The following DBF4B variants were observed in gnomAD, a reference collection of about 807,000 sequenced individuals.
The protein encoded by DBF4B is DBF4B-CDC7 kinase regulatory subunit.
A neutral mutation model predicts 53.4 loss-of-function variants in DBF4B; 49 were observed. The observed-to-expected ratio is 0.92, with a 90% CI of 0.73 to 1.16. The LOEUF (loss-of-function observed/expected upper bound fraction) is 1.16. Ranked by LOEUF, DBF4B falls within the 50% of genes most tolerant of loss-of-function variation. DBF4B has a pLI of 0.00. For synonymous variants in DBF4B, 257 were observed against 288.7 expected (o/e 0.89, Z 1.11); for missense variants, 692 against 775.0 (o/e 0.89, Z 1.27).
intron 2 of DBF4B, chr17:44,718,747 A>C (rs556915738): frequency 6.6e-6 from 1 of 152,104 alleles, no homozygotes; most frequent in South Asian, 2.1e-4. Flanking sequence ...TTCTGTAATT[A>C]ATAACTATCT....
At chr17:44,731,191 C>A in intron 5 of DBF4B, 176 bp downstream of exon 5, 1 of 688,968 alleles carries the variant, frequency 1.5e-6, no homozygotes, top group Non-Finnish European at 2.5e-6. Context: ...GTTATTTAGC[C>A]ATTCACCTAG....
intron 13 of DBF4B, chr17:44,748,790 A>G: frequency 7.6e-7 from 1 of 1,307,746 alleles, no homozygotes; most frequent in Non-Finnish European, 1.0e-6. Flanking sequence ...ATAGCCCCCA[A>G]CCCCTGCGGC....
chr17:44,738,729 G>C (rs867443291), intron 9 of DBF4B, among the ~76,000 whole-genome samples: 3 of 152,100 alleles, frequency 2.0e-5, no homozygotes, highest in Non-Finnish European at 4.4e-5. Flanking sequence ...TCCCATGCAG[G>C]CTCATTATTG....
intron 5 of DBF4B, 68 bp from the exon 6 acceptor site, chr17:44,732,110 A>C: frequency 6.5e-7 from 1 of 1,533,884 alleles, no homozygotes. Context: ...AGCAATTTCT[A>C]TCTGTCCCCT....
Position 44,747,394 on chromosome 17 carries a change from C to A in DBF4B, c.943C>A (p.Leu315Ile). ...TGCTCCTCTCCCCCGCCGGCAGCAT[C>A]TTCAGAGTGCCCAGCACCGGAGCTT... ...QEAFEELHVH[L>I]QSAQHRSFAL... Residue 315 changes from leucine (L) to isoleucine (I), a missense_variant, in exon 12 of 14, where the codon CTT (leucine) becomes ATT (isoleucine). By Grantham distance (5) the Leu-to-Ile change is conservative (BLOSUM62 2). Around this residue, in one of 3 missense-constraint regions of DBF4B, gnomAD observed 597 missense variants for 665.8 expected, o/e 0.90. Coordinates refer to ENST00000315005, the MANE Select transcript of DBF4B (RefSeq NM_145663.3). The A allele has an allele frequency of 1.9e-6, 3 of 1,613,814 alleles. No individual in the cohort carries two copies. The highest frequency in any genetic ancestry group is 2.5e-6 in the Non-Finnish European group (3 of 1,179,876).
intron 7 of DBF4B, among the ~76,000 whole-genome samples, chr17:44,734,668 A>G (rs1023998633): frequency 6.6e-6 from 1 of 152,254 alleles, no homozygotes; most frequent in Non-Finnish European, 1.5e-5. Flanking sequence ...TTAAAGCCAC[A>G]GTATCTTCAC....
intron 2 of DBF4B, 119 bp from the exon 3 acceptor site, chr17:44,722,761 T>C: frequency 8.8e-7 from 1 of 1,137,044 alleles, no homozygotes; most frequent in Non-Finnish European, 1.3e-6. Flanking sequence ...GCTGTCTGTG[T>C]GTGCCCAGGG....
At chr17:44,741,735 C>T (rs538350443) in intron 10 of DBF4B, among the ~76,000 whole-genome samples, 15 of 152,180 alleles carry the variant, frequency 9.9e-5, no homozygotes, top group African/African-American at 1.9e-4. Flanking sequence ...TTTGTTAATT[C>T]ACTGCTGAGA....
chr17:44,735,514 T>C (rs969415158), intron 7 of DBF4B, among the ~76,000 whole-genome samples: 2 of 151,600 alleles, frequency 1.3e-5, no homozygotes, highest in South Asian at 2.1e-4. Context: ...TCTACTAAAA[T>C]ACAAAATTAG....
At position 44,708,697 on chromosome 17, in the gene DBF4B, T is replaced by A. The variant is rs78131713; in HGVS notation, c.-124T>A. Reference sequence around the variant, plus strand: ...AGCCGCGGCCGAAAACGCCAAGAGATTGATGCTGTAGCTGCCCTGAGATAA... The same window carrying A: ...AGCCGCGGCCGAAAACGCCAAGAGAATGATGCTGTAGCTGCCCTGAGATAA... On this transcript the variant is annotated 5_prime_UTR_variant, in exon 1 of 14. In the 5' UTR this introduces an upstream ATG that the reference lacks. Transcript: ENST00000315005. The A allele has an allele frequency of 2.5e-6, 3 of 1,200,738 alleles. No homozygotes were observed. The highest frequency in any genetic ancestry group is 5.7e-5 in the East Asian group (2 of 35,370). The allele number at this position is 1,200,738 out of a possible 1,614,324, so 74.4% of individuals were successfully genotyped here. A position where few individuals can be genotyped will look rare whatever the true frequency, so the allele number is the denominator to read the frequency against.
chr17:44,709,220 T>C (rs1972639694), intron 1 of DBF4B, 84 bp from the exon 2 acceptor site: 1 of 1,561,804 alleles, frequency 6.4e-7, no homozygotes, highest in African/African-American at 1.4e-5. Flanking sequence ...TCTGTGCGCG[T>C]TTTGGGAGAC....
intron 9 of DBF4B, among the ~76,000 whole-genome samples, chr17:44,739,095 T>C (rs1036210439): frequency 3.9e-5 from 6 of 152,154 alleles, no homozygotes; most frequent in African/African-American, 1.4e-4. Flanking sequence ...CCCTGTCTTG[T>C]GTCTTCTCTG....
At chr17:44,726,051 G>A (rs1974297593) in intron 3 of DBF4B, among the ~76,000 whole-genome samples, 1 of 150,386 alleles carries the variant, frequency 6.6e-6, no homozygotes, top group Non-Finnish European at 1.5e-5. Flanking sequence ...GTGCAATGGT[G>A]CGATCTCAGC....
chr17:44,725,684 C>CTTTTTTTTTTTTTTTTT lies in DBF4B; in HGVS notation c.225+2666_225+2682dup, dbSNP rs68091397. 1.3e-3 allele frequency among the ~76,000 whole-genome samples: 113 copies of CTTTTTTTTTTTTTTTTT among 87,624 alleles called. 8 individuals are homozygous for CTTTTTTTTTTTTTTTTT. The highest frequency in any genetic ancestry group is 7.5e-3 in the Middle Eastern group (1 of 134). 57.5% of individuals were successfully genotyped at this position (87,624 alleles called of 152,430 possible). A position where few individuals can be genotyped will look rare whatever the true frequency, so the allele number is the denominator to read the frequency against. On this transcript the variant is annotated intron_variant, in intron 3 of 13. Coordinates refer to ENST00000315005, the MANE Select transcript of DBF4B (RefSeq NM_145663.3). ...ATCCTGCCTTTGTTTTTTTGTGCTT[C>CTTTTTTTTTTTTTTTTT]TTTTTTTTTTTTTTTTTTTTAAGAG...
chr17:44,748,517 G>C lies in DBF4B; in HGVS notation c.1189+52G>C, dbSNP rs187350780. ...GACAGCACGCAGGCACCAGCTGAAC[G>C]TGCAGGGACTGGTGAGGTACCTGGA... On this transcript the variant is annotated intron_variant, in intron 13 of 13. Transcript: ENST00000315005. The C allele has an allele frequency of 3.7e-6, 6 of 1,611,004 alleles. No homozygotes were observed. In the South Asian group the frequency reaches 6.6e-5, roughly 18 times the overall value.
In DBF4B at chr17:44,750,918, T is replaced by A. The variant is rs777691077; in HGVS notation, c.1513T>A (p.Ser505Thr). 1 of 1,614,224 alleles carries A rather than the reference T, an allele frequency of 6.2e-7. No individual in the cohort carries two copies. Among genetic ancestry groups the A allele is most frequent in the South Asian group, 1.1e-5 (1 of 91,088 alleles). The change falls in exon 14 of 14, where the codon TCT (serine) becomes ACT (threonine). Residue 505 changes from serine (S) to threonine (T), a missense_variant. By Grantham distance (58) the Ser-to-Thr change is moderately conservative (BLOSUM62 1). Transcript: ENST00000315005. ...LFPEARPWLMSARCWVRPFPF... is the reference protein window; with the variant it reads ...LFPEARPWLMTARCWVRPFPF... ...CCCTGAAGCCAGACCGTGGCTTATG[T>A]CTGCACGCTGCTGGGTTCGTCCCTT...
In DBF4B at chr17:44,751,859, C is replaced by A; in HGVS notation, c.*606C>A. Reference sequence around the variant, plus strand: ...CTCCTTGAAGCCTGGCTCCCTTGGTCGCAGCAGCCCCTCAGTGGCCTGGTT... The same window carrying A: ...CTCCTTGAAGCCTGGCTCCCTTGGTAGCAGCAGCCCCTCAGTGGCCTGGTT... On this transcript the variant is annotated 3_prime_UTR_variant, in exon 14 of 14. Coordinates refer to ENST00000315005, the MANE Select transcript of DBF4B (RefSeq NM_145663.3). 1 of 1,535,772 alleles carries A rather than the reference C, an allele frequency of 6.5e-7. No homozygotes were observed. The highest frequency in any genetic ancestry group is 1.2e-5 in the South Asian group (1 of 83,990).
intron 10 of DBF4B, among the ~76,000 whole-genome samples, chr17:44,744,419 A>G (rs777583903): frequency 1.3e-5 from 2 of 152,062 alleles, no homozygotes; most frequent in African/African-American, 2.4e-5. Context: ...TCAAAAAAAA[A>G]AAAAAAATTG....
At chr17:44,720,648 A>G (rs187595239) in intron 2 of DBF4B, 3 of 153,560 alleles carry the variant, frequency 2.0e-5, no homozygotes, top group African/African-American at 7.2e-5. Context: ...TAATATTGCT[A>G]TAAGCATTCA....
Sources: allele counts gnomAD v4.1 joint callset (sites outside exome capture counted in the v4.1 genomes callset), GRCh38; gene constraint gnomAD v4.1.1; regional missense constraint gnomAD v4.1.1; transcripts MANE v1.5; gene names NCBI Gene and HGNC (gene_info 2026-07-23, HGNC 2026-07-21).